The following DTNB variants were observed in gnomAD, a reference collection of about 807,000 sequenced individuals.
The protein encoded by DTNB is DTN-B.
DTNB carries 63 observed loss-of-function variants against 90.7 expected under a neutral mutation model. The observed-to-expected ratio is 0.69, with a 90% confidence interval of 0.57 to 0.86. DTNB has a LOEUF of 0.86. DTNB is among the 40% of genes least tolerant of loss of function. The pLI, the probability that DTNB is intolerant of heterozygous loss-of-function variation, is 0.00. For synonymous variants in DTNB, 277 were observed against 286.7 expected (o/e 0.97, Z 0.34); for missense variants, 744 against 807.1 (o/e 0.92, Z 0.95).
At chr2:25,502,644 G>A (rs1283480747) in intron 9 of DTNB, among the ~76,000 whole-genome samples, 1 of 151,826 alleles carries the variant, frequency 6.6e-6, no homozygotes, top group Non-Finnish European at 1.5e-5. Flanking sequence ...AGCACTTTGG[G>A]CAGCCAAGGT....
intron 10 of DTNB, among the ~76,000 whole-genome samples, chr2:25,468,658 C>T (rs977159491): frequency 3.3e-5 from 5 of 152,140 alleles, no homozygotes; most frequent in African/African-American, 1.2e-4. Flanking sequence ...AATAAAGAAG[C>T]TGCTAGACAT....
chr2:25,439,253 C>T (rs1166984991), intron 12 of DTNB, among the ~76,000 whole-genome samples: 1 of 152,136 alleles, frequency 6.6e-6, no homozygotes, highest in Non-Finnish European at 1.5e-5. Flanking sequence ...GTAATCCCAG[C>T]ACTCTGGGAG....
rs1332221073 is a variant in DTNB at position 25,387,639 on chromosome 2, A to G, written c.1736-261T>C. Among the ~76,000 whole-genome samples the G allele has an allele frequency of 2.6e-5, 4 of 152,042 alleles. No homozygotes were observed. In the East Asian group the frequency reaches 7.7e-4, roughly 29 times the overall value. ...GCTTTGCCGCCACCACACAATCCAG[A>G]GCTGGGTTCCAGAATAAGCATTCCA... On this transcript the variant is annotated intron_variant, in intron 17 of 20. Transcript: ENST00000406818. This position sits in a 1 kb window ranked among gnomAD's most constrained non-coding sequence, Gnocchi z 4.5.
In DTNB at chr2:25,665,239, C is replaced by T. The variant is rs144084076; in HGVS notation, c.-2+8147G>A. On this transcript the variant is annotated intron_variant, in intron 1 of 20. Transcript: ENST00000406818. ...TCTTAACCCTGCCAGCTCTCAGCTA[C>T]GTCAAAGCATCCAAGTATTGAAATT... is the stretch of plus-strand genomic sequence containing the variant. 3.2e-3 allele frequency among the ~76,000 whole-genome samples: 491 copies of T among 152,304 alleles called. 1 individual carries two copies. Among genetic ancestry groups the T allele is most frequent in the African/African-American group, 0.011 (443 of 41,570 alleles).
intron 5 of DTNB, among the ~76,000 whole-genome samples, chr2:25,597,950 C>T (rs537344575): frequency 9.2e-5 from 14 of 152,290 alleles, no homozygotes; most frequent in South Asian, 2.1e-4. Context: ...ATGTGCTAGG[C>T]GCCACTTCAG....
At chr2:25,478,222 A>C (rs2064134319) in intron 10 of DTNB, among the ~76,000 whole-genome samples, 1 of 152,108 alleles carries the variant, frequency 6.6e-6, no homozygotes, top group African/African-American at 2.4e-5. Context: ...TCATGGTTTA[A>C]TGGGTTAATG....
chr2:25,387,103 G>A lies in DTNB; in HGVS notation c.1825+186C>T, dbSNP rs1393987480. 8 of 557,316 alleles carry A rather than the reference G, an allele frequency of 1.4e-5. No homozygotes were observed. The highest frequency in any genetic ancestry group is 1.2e-4 in the Admixed American group (4 of 33,854). 34.5% of individuals were successfully genotyped at this position (557,316 alleles called of 1,614,324 possible). ...GGCCTGAATGTGAAACCGCCCCTAC[G>A]CGATCCTGTGTGACAGAGGCTCTCT... On this transcript the variant is annotated intron_variant, in intron 18 of 20. Coordinates refer to ENST00000406818, the MANE Select transcript of DTNB (RefSeq NM_021907.5). This position sits in a 1 kb window ranked among gnomAD's most constrained non-coding sequence, Gnocchi z 4.5.
At chr2:25,533,500 G>T (rs1391904148) in intron 8 of DTNB, among the ~76,000 whole-genome samples, 1 of 152,040 alleles carries the variant, frequency 6.6e-6, no homozygotes, top group Admixed American at 6.5e-5. Flanking sequence ...AACCGTTTCT[G>T]CACTGCCCCC....
At chr2:25,535,722 G>A (rs62130085) in intron 8 of DTNB, among the ~76,000 whole-genome samples, 3 of 140,756 alleles carry the variant, frequency 2.1e-5, no homozygotes, top group Admixed American at 7.0e-5. Flanking sequence ...CTTCCTAGAC[G>A]GGGTGGCTGC....
intron 1 of DTNB, among the ~76,000 whole-genome samples, chr2:25,658,621 G>A (rs1007204269): frequency 2.0e-5 from 3 of 152,186 alleles, no homozygotes; most frequent in African/African-American, 7.2e-5. Context: ...AAAAGACATG[G>A]GGGAACCTTA....
Position 25,388,370 on chromosome 2 carries a change from T to A in DTNB, c.1576-9A>T. ...GACCCTGTGGCCTGAGCCTGGAGATTCAAAGACAGAAAATACGTTATCTCA... is the reference window on the plus strand; with the variant it reads ...GACCCTGTGGCCTGAGCCTGGAGATACAAAGACAGAAAATACGTTATCTCA... On this transcript the variant is annotated splice_polypyrimidine_tract_variant and intron_variant, in intron 16 of 20. Transcript: ENST00000406818. 2.5e-6 allele frequency: 4 copies of A among 1,591,720 alleles called. No individual in the cohort carries two copies. Among genetic ancestry groups the A allele is most frequent in the Non-Finnish European group, 3.4e-6 (4 of 1,166,504 alleles).
chr2:25,638,483 C>T (rs1248415734), intron 3 of DTNB, among the ~76,000 whole-genome samples: 1 of 152,120 alleles, frequency 6.6e-6, no homozygotes, highest in Non-Finnish European at 1.5e-5. Context: ...AATTCTGTCA[C>T]GAGCTAGTTC....
At chr2:25,498,976 G>A (rs2069723038) in intron 9 of DTNB, among the ~76,000 whole-genome samples, 1 of 151,442 alleles carries the variant, frequency 6.6e-6, no homozygotes, top group Non-Finnish European at 1.5e-5. Flanking sequence ...AGTACTTTAG[G>A]AGGCCAAGGC....
At position 25,574,703 on chromosome 2, in the gene DTNB, C is replaced by A. The variant is rs148015113; in HGVS notation, c.876+2135G>T. 4.3e-3 allele frequency among the ~76,000 whole-genome samples: 648 copies of A among 152,294 alleles called. 2 individuals are homozygous for A. The highest frequency in any genetic ancestry group is 7.4e-3 in the Non-Finnish European group (505 of 68,016). On this transcript the variant is annotated intron_variant, in intron 8 of 20. Transcript: ENST00000406818. ...ACTCAGCCTTACCAGTATGCATCTA[C>A]CATACACAAGGCATACATCCATCAA...
chr2:25,670,053 A>G (rs567126030), intron 1 of DTNB, among the ~76,000 whole-genome samples: 9 of 152,330 alleles, frequency 5.9e-5, no homozygotes, highest in African/African-American at 2.2e-4. Context: ...CATTCACTGC[A>G]GCAACGGTCC....
chr2:25,616,091 A>G (rs116682762), intron 4 of DTNB, among the ~76,000 whole-genome samples: 255 of 152,274 alleles, frequency 1.7e-3, no homozygotes, highest in African/African-American at 5.9e-3. Context: ...TCTGGCTCCA[A>G]ATCTCTCCTC....
chr2:25,472,885 C>A (rs1341579092), intron 10 of DTNB, among the ~76,000 whole-genome samples: 3 of 152,112 alleles, frequency 2.0e-5, no homozygotes, highest in African/African-American at 7.2e-5. Flanking sequence ...AAACTCCATC[C>A]CTAAATAAAT....
intron 2 of DTNB, among the ~76,000 whole-genome samples, chr2:25,646,803 G>T (rs1448721189): frequency 6.6e-6 from 1 of 152,020 alleles, no homozygotes; most frequent in African/African-American, 2.4e-5. Flanking sequence ...GACTACCTTG[G>T]GCACATGTTC....
chr2:25,665,267 T>G (rs776951310), intron 1 of DTNB, among the ~76,000 whole-genome samples: 56 of 152,220 alleles, frequency 3.7e-4, no homozygotes, highest in Non-Finnish European at 6.9e-4. Context: ...TTGAAATTTC[T>G]TATGTAAGTT....
Sources: allele counts gnomAD v4.1 joint callset (sites outside exome capture counted in the v4.1 genomes callset), GRCh38; gene constraint gnomAD v4.1.1; non-coding constraint Gnocchi (gnomAD v3.1); transcripts MANE v1.5; gene names NCBI Gene and HGNC (gene_info 2026-07-23, HGNC 2026-07-21).